Variants in KCNIP4 observed in about 807,000 individuals in gnomAD.
KCNIP4 encodes the protein Kv channel-interacting protein 4.
KCNIP4 carries 12 observed loss-of-function variants against 34.0 expected under a neutral mutation model. The observed-to-expected ratio is 0.35, with a 90% confidence interval of 0.23 to 0.57. The LOEUF is 0.57. Ranked by LOEUF, KCNIP4 falls within the 20% of genes least tolerant of loss-of-function variation. The pLI is 0.83. For synonymous variants in KCNIP4, 124 were observed against 102.2 expected (o/e 1.21, Z -1.29); for missense variants, 238 against 311.7 (o/e 0.76, Z 1.78).
At chr4:20,855,036 A>G (rs1229184970) in intron 2 of KCNIP4, among the ~76,000 whole-genome samples, 2 of 152,190 alleles carry the variant, frequency 1.3e-5, no homozygotes, top group Non-Finnish European at 2.9e-5. Flanking sequence ...TGTAACAAGG[A>G]GTCTTGTTTA....
At chr4:21,517,902 C>T (rs1283687213) in intron 1 of KCNIP4, among the ~76,000 whole-genome samples, 12 of 152,158 alleles carry the variant, frequency 7.9e-5, no homozygotes, top group Admixed American at 7.9e-4. Flanking sequence ...CTAATAACCT[C>T]TACCATTTAC....
chr4:21,169,347 C>T (rs761121859), intron 1 of KCNIP4, among the ~76,000 whole-genome samples: 46 of 151,848 alleles, frequency 3.0e-4, no homozygotes, highest in Non-Finnish European at 5.9e-4. Context: ...AGACGGGGCC[C>T]TTCTATGATG....
In KCNIP4 at chr4:21,122,345, T is replaced by C. The variant is rs140875619; in HGVS notation, c.62-239636A>G. 2.9e-4 allele frequency among the ~76,000 whole-genome samples: 44 copies of C among 152,188 alleles called. No individual in the cohort carries two copies. The East Asian group carries it at 7.2e-3, about 25-fold the overall frequency. On this transcript the variant is annotated intron_variant, in intron 1 of 8. Transcript: ENST00000382152. ...TTTCTTTTTAAGTGCGTATACGTTT[T>C]GAAAATCAGTATTTTCCCCCAGTTA...
intron 1 of KCNIP4, among the ~76,000 whole-genome samples, chr4:21,311,889 C>T (rs1293757079): frequency 6.6e-6 from 1 of 152,056 alleles, no homozygotes; most frequent in African/African-American, 2.4e-5. Context: ...CTTGAGGAAA[C>T]CCACCTTCAA....
chr4:21,884,639 G>C (rs981418716), intron 1 of KCNIP4, among the ~76,000 whole-genome samples: 3 of 152,048 alleles, frequency 2.0e-5, no homozygotes, highest in African/African-American at 7.2e-5. Flanking sequence ...AAAGAAAGGA[G>C]GGATGGAGAG....
At chr4:21,022,536 T>C (rs1740167758) in intron 1 of KCNIP4, among the ~76,000 whole-genome samples, 1 of 152,238 alleles carries the variant, frequency 6.6e-6, no homozygotes, top group South Asian at 2.1e-4. Flanking sequence ...TTTGCACTGA[T>C]TTTGTCACCC....
At chr4:21,276,103 G>T (rs1026949165) in intron 1 of KCNIP4, among the ~76,000 whole-genome samples, 5 of 152,222 alleles carry the variant, frequency 3.3e-5, no homozygotes, top group Non-Finnish European at 7.3e-5. Context: ...AGCAAATGGT[G>T]CCACTACATT....
At chr4:21,902,707 G>C (rs1435852482) in intron 1 of KCNIP4, among the ~76,000 whole-genome samples, 1 of 152,100 alleles carries the variant, frequency 6.6e-6, no homozygotes, top group Non-Finnish European at 1.5e-5. Flanking sequence ...AATGAAGTTG[G>C]AAAGGTGGGT....
intron 1 of KCNIP4, among the ~76,000 whole-genome samples, chr4:20,960,976 C>G (rs769381204): frequency 6.6e-6 from 1 of 152,106 alleles, no homozygotes; most frequent in Non-Finnish European, 1.5e-5. Context: ...ATGCATTTTG[C>G]ACTTTGGTGT....
At chr4:21,366,654 T>G (rs1719795753) in intron 1 of KCNIP4, among the ~76,000 whole-genome samples, 1 of 152,108 alleles carries the variant, frequency 6.6e-6, no homozygotes. Context: ...AGAACCCAAT[T>G]TAGCTGTAAG....
chr4:20,887,650 T>C (rs769945304), intron 1 of KCNIP4, among the ~76,000 whole-genome samples: 93 of 152,146 alleles, frequency 6.1e-4, no homozygotes, highest in Non-Finnish European at 9.0e-4. Context: ...ACCTATGTTT[T>C]TGAGAATGAA....
chr4:20,874,848 C>T (rs763232993), intron 2 of KCNIP4, among the ~76,000 whole-genome samples: 2 of 152,084 alleles, frequency 1.3e-5, no homozygotes, highest in Admixed American at 6.6e-5. Context: ...AACATATAGC[C>T]AATATCTGAA....
intron 1 of KCNIP4, among the ~76,000 whole-genome samples, chr4:21,191,837 A>G (rs1490293073): frequency 6.6e-6 from 1 of 152,162 alleles, no homozygotes; most frequent in African/African-American, 2.4e-5. Context: ...GAGACAGCCA[A>G]TGGTTTGGCA....
intron 1 of KCNIP4, among the ~76,000 whole-genome samples, chr4:20,950,526 C>T (rs1386606000): frequency 6.6e-6 from 1 of 152,060 alleles, no homozygotes; most frequent in African/African-American, 2.4e-5. Flanking sequence ...TCAAAATCCC[C>T]AAGCCACTGA....
At chr4:21,345,338 A>G (rs1323329914) in intron 1 of KCNIP4, among the ~76,000 whole-genome samples, 1 of 152,138 alleles carries the variant, frequency 6.6e-6, no homozygotes, top group Non-Finnish European at 1.5e-5. Flanking sequence ...GGCCCAACCA[A>G]CAGTTTGTCT....
chr4:21,200,824 G>A (rs1241658748), intron 1 of KCNIP4, among the ~76,000 whole-genome samples: 1 of 151,256 alleles, frequency 6.6e-6, no homozygotes, highest in Non-Finnish European at 1.5e-5. Context: ...TTTAAAAAAA[G>A]CATCGTTCCA....
At chr4:21,639,883 C>T (rs1278888103) in intron 1 of KCNIP4, among the ~76,000 whole-genome samples, 1 of 152,134 alleles carries the variant, frequency 6.6e-6, no homozygotes, top group Non-Finnish European at 1.5e-5. Context: ...ATATGACTTC[C>T]ATCAGCCCTA....
At chr4:21,759,968 T>A (rs1320210924) in intron 1 of KCNIP4, among the ~76,000 whole-genome samples, 1 of 152,074 alleles carries the variant, frequency 6.6e-6, no homozygotes, top group African/African-American at 2.4e-5. Flanking sequence ...TTCATTGACA[T>A]AAATATTCTG....
At chr4:21,217,871 G>A (rs1757701121) in intron 1 of KCNIP4, among the ~76,000 whole-genome samples, 2 of 152,028 alleles carry the variant, frequency 1.3e-5, no homozygotes, top group Non-Finnish European at 2.9e-5. Context: ...GCCCATGAGA[G>A]AAAAGGACAG....
Sources: gnomAD v4.1 joint callset for allele counts (sites outside exome capture counted in the v4.1 genomes callset) on GRCh38, gnomAD v4.1.1 for gene constraint, MANE v1.5 for transcripts, NCBI Gene and HGNC (gene_info 2026-07-23, HGNC 2026-07-21) for gene names.